RBFOX3: variants seen among roughly 807,000 people sequenced by gnomAD.
RBFOX3 encodes the protein RNA binding fox-1 homolog 3.
Under a neutral mutation model 48.7 loss-of-function variants are expected in RBFOX3, and 17 were observed. The ratio of observed to expected loss-of-function variants is 0.35; its 90% CI spans 0.24 to 0.52. RBFOX3 has a LOEUF of 0.52. Among genes scored for constraint, RBFOX3 ranks in the 20% least tolerant of loss-of-function variants. The probability of loss-of-function intolerance (pLI) is 0.94; values close to 1 mark genes in which losing one functional copy is unlikely to be tolerated. For missense variants in RBFOX3, 382 were observed against 497.5 expected (o/e 0.77, Z 2.21); for synonymous variants, 212 against 209.5 (o/e 1.01, Z -0.10).
At chr17:79,093,053 G>A (rs2074288364) in intron 14 of RBFOX3, among the ~76,000 whole-genome samples, 3 of 152,246 alleles carry the variant, frequency 2.0e-5, no homozygotes, top group Non-Finnish European at 2.9e-5. Context: ...GGGTTCCTGG[G>A]CCTTGGCTCA....
intron 4 of RBFOX3, among the ~76,000 whole-genome samples, chr17:79,215,405 G>A (rs1375702772): frequency 2.0e-5 from 3 of 152,218 alleles, no homozygotes; most frequent in Non-Finnish European, 4.4e-5. Context: ...CAGACGTGTG[G>A]CCCCTGCTCT....
intron 1 of RBFOX3, among the ~76,000 whole-genome samples, chr17:79,485,781 GCTCGAGC>G (rs2079499847): frequency 6.6e-6 from 1 of 152,212 alleles, no homozygotes; most frequent in African/African-American, 2.4e-5. Context: ...CCCTGCCTGC[GCTCGAGC>G]CTCCTTGGCG....
the RBFOX3 span, among the ~76,000 whole-genome samples, chr17:79,642,329 T>C: frequency 6.6e-6 from 1 of 152,276 alleles, no homozygotes; most frequent in East Asian, 1.9e-4. Context: ...AGTTGAAATT[T>C]GCCAAGAGGG....
intron 3 of RBFOX3, among the ~76,000 whole-genome samples, chr17:79,248,382 G>C (rs753942583): frequency 6.6e-6 from 1 of 152,030 alleles, no homozygotes; most frequent in African/African-American, 2.4e-5. Flanking sequence ...ACAGGCGCCC[G>C]TCAAGGGCTG....
intron 3 of RBFOX3, among the ~76,000 whole-genome samples, chr17:79,261,643 G>A (rs373724904): frequency 3.9e-5 from 6 of 152,230 alleles, no homozygotes; most frequent in East Asian, 1.9e-4. Context: ...CAGGTGACAC[G>A]GAGGCTGCTG....
chr17:79,291,024 C>A (rs768274113), intron 3 of RBFOX3, among the ~76,000 whole-genome samples: 3 of 152,206 alleles, frequency 2.0e-5, no homozygotes, highest in Non-Finnish European at 4.4e-5. Flanking sequence ...CTTCCCACCC[C>A]TCTCCTGGGA....
At chr17:79,309,282 T>C (rs1234185826) in intron 2 of RBFOX3, among the ~76,000 whole-genome samples, 1 of 151,994 alleles carries the variant, frequency 6.6e-6, no homozygotes, top group Non-Finnish European at 1.5e-5. Flanking sequence ...GGGTGTCACA[T>C]GATTGGGGTC....
chr17:79,143,241 G>A (rs1393519338), intron 4 of RBFOX3, among the ~76,000 whole-genome samples: 4 of 152,216 alleles, frequency 2.6e-5, no homozygotes, highest in South Asian at 2.1e-4. Context: ...CAGCTCGCCC[G>A]AGTCCACCCC....
rs141568074 is a variant in RBFOX3, at chr17:79,301,095, G to T, written c.-74+6629C>A. ...CTGCACCTCGGCAGTTTTAACATAC[G>T]TAGGCCCCAGGGAGAAGCCTCTGGC... On this transcript the variant is annotated intron_variant, in intron 3 of 14. Transcript: ENST00000693108. 6.6e-3 allele frequency among the ~76,000 whole-genome samples: 1,005 copies of T among 152,288 alleles called. 11 individuals are homozygous for T. The highest frequency in any genetic ancestry group is 0.023 in the African/African-American group (950 of 41,544).
chr17:79,450,427 C>T (rs1233259904), intron 2 of RBFOX3, among the ~76,000 whole-genome samples: 1 of 152,132 alleles, frequency 6.6e-6, no homozygotes, highest in East Asian at 1.9e-4. Flanking sequence ...GAGGTATTGG[C>T]ACAGATGTCC....
At chr17:79,623,531 G>T in the RBFOX3 span, among the ~76,000 whole-genome samples, 36 of 152,180 alleles carry the variant, frequency 2.4e-4, 1 homozygote, top group African/African-American at 8.2e-4. Flanking sequence ...TGGAAGAGGA[G>T]ACTGGGCGCA....
At chr17:79,439,401 C>T (rs62061676) in intron 2 of RBFOX3, among the ~76,000 whole-genome samples, 5,593 of 152,358 alleles carry the variant, frequency 0.037, 144 homozygotes, top group South Asian at 0.08. Context: ...GTGATTTCAT[C>T]TCTCCTCGCC....
chr17:79,420,899 C>G (rs2066239595), intron 2 of RBFOX3, among the ~76,000 whole-genome samples: 1 of 152,214 alleles, frequency 6.6e-6, no homozygotes, highest in Admixed American at 6.5e-5. Context: ...ACGGGATCAG[C>G]TGACCTCTAG....
chr17:79,371,945 G>A (rs968711895), intron 2 of RBFOX3, among the ~76,000 whole-genome samples: 6 of 152,248 alleles, frequency 3.9e-5, no homozygotes, highest in African/African-American at 1.2e-4. Flanking sequence ...TCCTAAGCAG[G>A]CCAAGGAGAG....
At chr17:79,124,023 C>T (rs1031840797) in intron 4 of RBFOX3, among the ~76,000 whole-genome samples, 2 of 152,250 alleles carry the variant, frequency 1.3e-5, no homozygotes, top group African/African-American at 4.8e-5. Flanking sequence ...CTACTGCACA[C>T]ACCCTCTTCA....
chr17:79,119,975 A>G (rs998651481), intron 4 of RBFOX3, among the ~76,000 whole-genome samples: 30 of 152,364 alleles, frequency 2.0e-4, no homozygotes, highest in African/African-American at 7.2e-4. Context: ...CTGATAGGGT[A>G]CGTGAATGCC....
chr17:79,458,520 A>T (rs935916227), intron 2 of RBFOX3, among the ~76,000 whole-genome samples: 6 of 152,170 alleles, frequency 3.9e-5, no homozygotes, highest in Non-Finnish European at 2.9e-5. Flanking sequence ...CATGTGCAGC[A>T]TCGTGCGACC....
intron 4 of RBFOX3, among the ~76,000 whole-genome samples, chr17:79,150,000 G>GGGT (rs1176642514): frequency 1.2e-5 from 1 of 85,896 alleles, no homozygotes; most frequent in Non-Finnish European, 2.4e-5. Flanking sequence ...TGGGGGTGGG[G>GGGT]GTGGGGGATG....
intron 2 of RBFOX3, among the ~76,000 whole-genome samples, chr17:79,437,692 C>G (rs1555732011): frequency 6.6e-6 from 1 of 152,212 alleles, no homozygotes; most frequent in East Asian, 1.9e-4. Context: ...ACCCCATTCC[C>G]AAATGCCAGG....
Sources: gnomAD v4.1 joint callset for allele counts (sites outside exome capture counted in the v4.1 genomes callset) on GRCh38, gnomAD v4.1.1 for gene constraint, MANE v1.5 for transcripts, NCBI Gene and HGNC (gene_info 2026-07-23, HGNC 2026-07-21) for gene names.